The following CCDC91 variants were observed in gnomAD, a reference collection of about 807,000 sequenced individuals.
CCDC91 encodes coiled-coil domain containing 91, also known as coiled-coil domain-containing protein 91.
In CCDC91, 48 loss-of-function variants were observed where a neutral mutation model predicts 63.2. That is an observed-to-expected ratio of 0.76 (90% CI 0.60 to 0.97). CCDC91 has a LOEUF of 0.97. Among genes scored for constraint, CCDC91 ranks in the 50% least tolerant of loss-of-function variants. CCDC91 has a pLI of 0.00. For missense variants in CCDC91, 500 were observed against 494.6 expected, an observed-to-expected ratio of 1.01 and a Z score of -0.10; for synonymous variants, 167 against 165.8, an observed-to-expected ratio of 1.01 and a Z score of -0.06.
At chr12:28,505,325 AAT>A (rs1457339785) in intron 12 of CCDC91, 3 of 151,862 alleles carry the variant, frequency 2.0e-5, no homozygotes. Context: ...AGAGAGGCAT[AAT>A]ATTCCATGTC....
chr12:28,203,654 T>G (rs1942630598), intron 1 of CCDC91, among the ~76,000 whole-genome samples: 1 of 152,210 alleles, frequency 6.6e-6, no homozygotes, highest in African/African-American at 2.4e-5. Flanking sequence ...GTTAGGAATT[T>G]ATACATGTAG....
At chr12:28,310,041 A>G (rs1939157170) in intron 6 of CCDC91, among the ~76,000 whole-genome samples, 1 of 152,006 alleles carries the variant, frequency 6.6e-6, no homozygotes, top group Non-Finnish European at 1.5e-5. Flanking sequence ...TGTTCAATGA[A>G]TACTGTTGGA....
chr12:28,276,896 G>A (rs1432019229), intron 3 of CCDC91, among the ~76,000 whole-genome samples: 2 of 151,898 alleles, frequency 1.3e-5, no homozygotes, highest in Non-Finnish European at 2.9e-5. Context: ...ATACAGTTAT[G>A]TGTGTAATTT....
chr12:28,342,204 T>A (rs1942477342), intron 6 of CCDC91, among the ~76,000 whole-genome samples: 1 of 152,078 alleles, frequency 6.6e-6, no homozygotes, highest in Admixed American at 6.5e-5. Context: ...CAGTTCAAAT[T>A]AAGAAACAAA....
intron 11 of CCDC91, among the ~76,000 whole-genome samples, chr12:28,463,083 C>T (rs1331496985): frequency 6.6e-6 from 1 of 152,074 alleles, no homozygotes; most frequent in Non-Finnish European, 1.5e-5. Flanking sequence ...ACAGAAGTTA[C>T]AAGTATGAAT....
At chr12:28,459,982 T>C (rs1411476047) in intron 11 of CCDC91, among the ~76,000 whole-genome samples, 1 of 152,146 alleles carries the variant, frequency 6.6e-6, no homozygotes, top group East Asian at 1.9e-4. Flanking sequence ...TAACCTACTT[T>C]CTAATTTACA....
intron 12 of CCDC91, among the ~76,000 whole-genome samples, chr12:28,522,223 A>G (rs1440284635): frequency 6.6e-6 from 1 of 151,874 alleles, no homozygotes; most frequent in Non-Finnish European, 1.5e-5. Context: ...TGGTTGGTAA[A>G]CTATTAATTA....
chr12:28,391,416 TA>T lies in CCDC91; in HGVS notation c.762+9del, dbSNP rs762509456. The T allele has an allele frequency of 2.6e-6, 4 of 1,520,964 alleles. No homozygotes were observed. In the African/African-American group the frequency reaches 5.5e-5, roughly 21 times the overall value. The allele number at this position is 1,520,964 out of a possible 1,614,324, so 94.2% of individuals were successfully genotyped here. A position where few individuals can be genotyped will look rare whatever the true frequency, so the allele number is the denominator to read the frequency against. ...GAGGAGTTGCTAAATGCTCAGGTAA[TA>T]AAAGTGCACATCCATTATATATTTA... On this transcript the variant is annotated splice_donor_region_variant and intron_variant, in intron 8 of 12. Coordinates refer to ENST00000536442, the MANE Select transcript of CCDC91 (RefSeq NM_018318.5).
intron 3 of CCDC91, among the ~76,000 whole-genome samples, chr12:28,296,607 A>G (rs142235066): frequency 1.3e-5 from 2 of 151,964 alleles, no homozygotes; most frequent in Non-Finnish European, 2.9e-5. Flanking sequence ...AAAATCCATT[A>G]TATTACATCT....
At chr12:28,263,513 G>A (rs1946968847) in intron 3 of CCDC91, among the ~76,000 whole-genome samples, 1 of 152,024 alleles carries the variant, frequency 6.6e-6, no homozygotes, top group Non-Finnish European at 1.5e-5. Context: ...GTGGTAGCAT[G>A]TATCAGAATT....
chr12:28,200,372 G>T (rs1253128510), intron 1 of CCDC91, among the ~76,000 whole-genome samples: 1 of 148,140 alleles, frequency 6.8e-6, no homozygotes, highest in Non-Finnish European at 1.5e-5. Context: ...GTGGAGGGAA[G>T]GTCAGCAGAT....
intron 1 of CCDC91, among the ~76,000 whole-genome samples, chr12:28,197,906 A>G (rs1941905810): frequency 6.6e-6 from 1 of 152,128 alleles, no homozygotes; most frequent in South Asian, 2.1e-4. Flanking sequence ...TGACTAGTAG[A>G]GGATACAACA....
chr12:28,466,607 C>T (rs1158095581), intron 11 of CCDC91, among the ~76,000 whole-genome samples: 1 of 152,070 alleles, frequency 6.6e-6, no homozygotes, highest in Non-Finnish European at 1.5e-5. Flanking sequence ...TAGAATAGTA[C>T]ATTCAGCAAA....
At chr12:28,432,040 C>A (rs943264171) in intron 8 of CCDC91, among the ~76,000 whole-genome samples, 1 of 151,658 alleles carries the variant, frequency 6.6e-6, no homozygotes, top group African/African-American at 2.4e-5. Flanking sequence ...TTTAGGTTTT[C>A]TCTGTGGCTT....
intron 3 of CCDC91, among the ~76,000 whole-genome samples, chr12:28,295,525 T>A (rs1949513893): frequency 6.6e-6 from 1 of 151,978 alleles, no homozygotes; most frequent in Non-Finnish European, 1.5e-5. Flanking sequence ...TAGATAATAA[T>A]TTATTTATTT....
At chr12:28,304,393 AAAAAAAAAG>A (rs1938452629) in intron 3 of CCDC91, among the ~76,000 whole-genome samples, 26 of 122,140 alleles carry the variant, frequency 2.1e-4, no homozygotes, top group South Asian at 1.4e-3. Flanking sequence ...AAAAAAAAAA[AAAAAAAAAG>A]AAAAAAAAAA....
At chr12:28,325,517 A>G (rs1940907528) in intron 6 of CCDC91, among the ~76,000 whole-genome samples, 4 of 152,090 alleles carry the variant, frequency 2.6e-5, no homozygotes, top group Admixed American at 2.6e-4. Flanking sequence ...TATAAAGTAG[A>G]AAGTGAATAA....
intron 8 of CCDC91, among the ~76,000 whole-genome samples, chr12:28,399,729 C>T (rs1302914769): frequency 1.3e-5 from 2 of 152,198 alleles, no homozygotes; most frequent in African/African-American, 4.8e-5. Context: ...GCTACAGGCC[C>T]CATGCAAGCC....
At chr12:28,335,774 G>A (rs1263379329) in intron 6 of CCDC91, among the ~76,000 whole-genome samples, 2 of 151,696 alleles carry the variant, frequency 1.3e-5, no homozygotes, top group Non-Finnish European at 2.9e-5. Flanking sequence ...TCTCCCATAA[G>A]GCAAACATTC....
Sources: gnomAD v4.1 joint callset for allele counts (sites outside exome capture counted in the v4.1 genomes callset) on GRCh38, gnomAD v4.1.1 for gene constraint, MANE v1.5 for transcripts, NCBI Gene and HGNC (gene_info 2026-07-23, HGNC 2026-07-21) for gene names.